KCNC2: variants seen among roughly 807,000 people sequenced by gnomAD.
KCNC2 encodes voltage-gated potassium channel KCNC2.
Under a neutral mutation model 44.5 loss-of-function variants are expected in KCNC2, and 21 were observed. That is an observed-to-expected ratio of 0.47 (90% CI 0.33 to 0.68). The LOEUF is 0.68. Among genes scored for constraint, KCNC2 ranks in the 30% least tolerant of loss-of-function variants. The pLI, the probability that KCNC2 is intolerant of heterozygous loss-of-function variation, is 0.01. For missense variants in KCNC2, 589 were observed against 826.2 expected, an observed-to-expected ratio of 0.71 and a Z score of 3.52; for synonymous variants, 391 against 339.1, an observed-to-expected ratio of 1.15 and a Z score of -1.68.
chr12:75,109,874 T>G (rs1887085628), intron 2 of KCNC2, among the ~76,000 whole-genome samples: 2 of 152,042 alleles, frequency 1.3e-5, no homozygotes, highest in South Asian at 4.1e-4. Flanking sequence ...AAGGATATTC[T>G]CTAGATCTTA....
At chr12:75,080,868 T>C (rs907936043) in intron 2 of KCNC2, among the ~76,000 whole-genome samples, 3 of 152,084 alleles carry the variant, frequency 2.0e-5, no homozygotes, top group Non-Finnish European at 4.4e-5. Context: ...AGTTTTTATA[T>C]GACCACTCTA....
chr12:75,102,899 C>T (rs1886489135), intron 2 of KCNC2, among the ~76,000 whole-genome samples: 2 of 151,968 alleles, frequency 1.3e-5, no homozygotes, highest in Non-Finnish European at 2.9e-5. Flanking sequence ...TTTTATATAG[C>T]ATTGCATGGA....
chr12:75,107,424 CAAT>C (rs35111488), intron 2 of KCNC2, among the ~76,000 whole-genome samples: 25,193 of 151,950 alleles, frequency 0.17, 2,170 homozygotes, highest in Middle Eastern at 0.24. Context: ...ACATTAAAAA[CAAT>C]AAAAGTAAAA....
intron 2 of KCNC2, among the ~76,000 whole-genome samples, chr12:75,169,842 C>T (rs114983827): frequency 6.6e-6 from 1 of 151,650 alleles, no homozygotes; most frequent in South Asian, 2.1e-4. Flanking sequence ...AATCTCTTAT[C>T]CTTTCACAGG....
At chr12:75,115,328 G>A (rs1207987003) in intron 2 of KCNC2, among the ~76,000 whole-genome samples, 5 of 152,110 alleles carry the variant, frequency 3.3e-5, no homozygotes, top group East Asian at 3.9e-4. Flanking sequence ...TTATCTTCAC[G>A]ATACTTCTAT....
At chr12:75,074,555 C>T (rs991093768) in intron 2 of KCNC2, among the ~76,000 whole-genome samples, 6 of 152,168 alleles carry the variant, frequency 3.9e-5, no homozygotes, top group Non-Finnish European at 8.8e-5. Context: ...CTCACTTAGA[C>T]ATTTAGTCTT....
At chr12:75,155,050 G>A (rs1890662335) in intron 2 of KCNC2, among the ~76,000 whole-genome samples, 1 of 150,660 alleles carries the variant, frequency 6.6e-6, no homozygotes, top group South Asian at 2.2e-4. Context: ...TCACCAAACA[G>A]TTTGGTGCTC....
chr12:75,189,708 A>G (rs1157160115), intron 2 of KCNC2, among the ~76,000 whole-genome samples: 2 of 152,070 alleles, frequency 1.3e-5, no homozygotes, highest in African/African-American at 2.4e-5. Flanking sequence ...CATTCCCTAC[A>G]CCGCATTCAG....
intron 2 of KCNC2, among the ~76,000 whole-genome samples, chr12:75,160,118 T>C (rs1310077620): frequency 6.6e-6 from 1 of 151,970 alleles, no homozygotes; most frequent in African/African-American, 2.4e-5. Context: ...ATAGGACCTT[T>C]AAGGAGGTAA....
chr12:75,129,934 T>G (rs982065837), intron 2 of KCNC2, among the ~76,000 whole-genome samples: 2 of 152,204 alleles, frequency 1.3e-5, no homozygotes, highest in Non-Finnish European at 2.9e-5. Flanking sequence ...AATAGTTTCC[T>G]AAAGATTATT....
chr12:75,067,187 G>T (rs1443137869), intron 2 of KCNC2, among the ~76,000 whole-genome samples: 1 of 151,916 alleles, frequency 6.6e-6, no homozygotes, highest in African/African-American at 2.4e-5. Context: ...GGGTGACAGA[G>T]GAAACCCTGT....
Position 75,085,508 on chromosome 12 carries a change from T to G in KCNC2, c.688-34191A>C, listed in dbSNP as rs1565841421. Among the ~76,000 whole-genome samples, 4 of 152,200 alleles carry G rather than the reference T, an allele frequency of 2.6e-5. No individual in the cohort carries two copies. The South Asian group carries it at 6.2e-4, about 24-fold the overall frequency. ...AAACTATGTTGTAGGCCCCATTTTA[T>G]GAATGAGAGCATCACTTAAGTCTCC... On this transcript the variant is annotated intron_variant, in intron 2 of 4. Transcript: ENST00000549446.
intron 2 of KCNC2, among the ~76,000 whole-genome samples, chr12:75,066,003 A>G (rs73357082): frequency 0.028 from 4,217 of 152,162 alleles, 220 homozygotes; most frequent in African/African-American, 0.095. Flanking sequence ...TACTATCAAA[A>G]CTTCATCTAG....
chr12:75,185,483 A>G (rs1420939775), intron 2 of KCNC2, among the ~76,000 whole-genome samples: 1 of 151,936 alleles, frequency 6.6e-6, no homozygotes, highest in Non-Finnish European at 1.5e-5. Flanking sequence ...TTAAATATTG[A>G]GTTTTGCCCA....
chr12:75,202,402 T>C (rs985362287), intron 2 of KCNC2, among the ~76,000 whole-genome samples: 2 of 151,800 alleles, frequency 1.3e-5, no homozygotes, highest in African/African-American at 4.8e-5. Context: ...AAGCATAAAA[T>C]TAAATTTATT....
intron 2 of KCNC2, among the ~76,000 whole-genome samples, chr12:75,142,779 C>A (rs955256323): frequency 2.6e-5 from 4 of 152,102 alleles, no homozygotes; most frequent in Non-Finnish European, 4.4e-5. Flanking sequence ...AAGCAGCATC[C>A]CAAGACAATA....
At chr12:75,148,005 G>C (rs1479681212) in intron 2 of KCNC2, among the ~76,000 whole-genome samples, 1 of 152,068 alleles carries the variant, frequency 6.6e-6, no homozygotes, top group Non-Finnish European at 1.5e-5. Context: ...AAATTTTATT[G>C]TGTAAAAACT....
intron 2 of KCNC2, among the ~76,000 whole-genome samples, chr12:75,102,669 C>T (rs1449768473): frequency 6.6e-6 from 1 of 151,860 alleles, no homozygotes; most frequent in African/African-American, 2.4e-5. Flanking sequence ...TACGTAATTC[C>T]TAATCATTTA....
chr12:75,050,251 A>T (rs1881020432), intron 3 of KCNC2, 139 bp downstream of exon 3: 1 of 660,068 alleles, frequency 1.5e-6, no homozygotes, highest in Admixed American at 2.7e-5. Context: ...TACAAGCCTG[A>T]CACAAACACA....
Sources: gnomAD v4.1 joint callset for allele counts (sites outside exome capture counted in the v4.1 genomes callset) on GRCh38, gnomAD v4.1.1 for gene constraint, MANE v1.5 for transcripts, NCBI Gene and HGNC (gene_info 2026-07-23, HGNC 2026-07-21) for gene names.